Variants in CTNNA3 observed in about 807,000 individuals in gnomAD.
CTNNA3 encodes catenin alpha-3.
A neutral mutation model predicts 95.7 loss-of-function variants in CTNNA3; 76 were observed. The ratio of observed to expected loss-of-function variants is 0.79; its 90% CI spans 0.66 to 0.96. The LOEUF (loss-of-function observed/expected upper bound fraction) is 0.96, where lower values mean the gene tolerates loss of function less well. CTNNA3 is among the 40% of genes least tolerant of loss of function. CTNNA3 has a pLI of 0.00. For missense variants in CTNNA3, 1,191 were observed against 1,089.8 expected, an observed-to-expected ratio of 1.09 and a Z score of -1.31; for synonymous variants, 431 against 374.4, an observed-to-expected ratio of 1.15 and a Z score of -1.74.
chr10:67,544,054 C>A (rs1023764362), intron 3 of CTNNA3, among the ~76,000 whole-genome samples: 1 of 152,152 alleles, frequency 6.6e-6, no homozygotes, highest in Admixed American at 6.6e-5. Context: ...GGAAGGGCAG[C>A]AAAGCTAGCC....
chr10:66,158,426 T>C (rs1445027673), intron 13 of CTNNA3, among the ~76,000 whole-genome samples: 1 of 152,082 alleles, frequency 6.6e-6, no homozygotes, highest in Non-Finnish European at 1.5e-5. Context: ...CCCCACTTTA[T>C]GTTTTTGTTT....
intron 7 of CTNNA3, among the ~76,000 whole-genome samples, chr10:66,880,776 C>T (rs1011643683): frequency 6.6e-6 from 1 of 152,004 alleles, no homozygotes; most frequent in Non-Finnish European, 1.5e-5. Flanking sequence ...TTCTTTTGCT[C>T]ATAGCAAATG....
chr10:65,955,178 G>A (rs2077702917), intron 17 of CTNNA3, among the ~76,000 whole-genome samples: 1 of 152,016 alleles, frequency 6.6e-6, no homozygotes, highest in African/African-American at 2.4e-5. Flanking sequence ...TCATGATTTG[G>A]CTCTCTGTTT....
intron 17 of CTNNA3, among the ~76,000 whole-genome samples, chr10:65,921,126 A>G (rs1275635202): frequency 6.6e-6 from 1 of 152,218 alleles, no homozygotes; most frequent in Non-Finnish European, 1.5e-5. Context: ...TCAGTTTAAC[A>G]ACGGTACAAA....
chr10:66,341,784 C>A (rs914545650), intron 12 of CTNNA3, among the ~76,000 whole-genome samples: 5 of 151,740 alleles, frequency 3.3e-5, no homozygotes, highest in Non-Finnish European at 5.9e-5. Flanking sequence ...TTGGAGATGG[C>A]CGCTGAGTCT....
chr10:66,298,934 G>A (rs1369863017), intron 12 of CTNNA3, among the ~76,000 whole-genome samples: 1 of 152,028 alleles, frequency 6.6e-6, no homozygotes, highest in Non-Finnish European at 1.5e-5. Context: ...AACTGCTTAG[G>A]GCCAACCTGC....
intron 15 of CTNNA3, among the ~76,000 whole-genome samples, chr10:66,050,328 C>A (rs1192568710): frequency 7.7e-6 from 1 of 129,128 alleles, no homozygotes; most frequent in Non-Finnish European, 1.7e-5. Context: ...TCCTTTAATT[C>A]ACATTTCAGT....
intron 13 of CTNNA3, among the ~76,000 whole-genome samples, chr10:66,256,083 A>T (rs1204017010): frequency 6.6e-6 from 1 of 152,210 alleles, no homozygotes; most frequent in African/African-American, 2.4e-5. Context: ...GCCCAGACAG[A>T]GGCAGGGGCA....
At chr10:66,815,880 A>G (rs7085996) in intron 7 of CTNNA3, among the ~76,000 whole-genome samples, 1 of 152,142 alleles carries the variant, frequency 6.6e-6, no homozygotes, top group Non-Finnish European at 1.5e-5. Flanking sequence ...AAAGGACATA[A>G]GACAGTAACT....
At chr10:66,724,933 G>C (rs1848735424) in intron 9 of CTNNA3, among the ~76,000 whole-genome samples, 1 of 152,048 alleles carries the variant, frequency 6.6e-6, no homozygotes, top group Non-Finnish European at 1.5e-5. Context: ...TTCAAAGTGG[G>C]GACTGGTTCC....
chr10:66,384,890 C>A (rs2092876321), intron 11 of CTNNA3, among the ~76,000 whole-genome samples: 1 of 152,058 alleles, frequency 6.6e-6, no homozygotes, highest in Admixed American at 6.5e-5. Flanking sequence ...TATTTGAAAC[C>A]AATGAGAACA....
intron 17 of CTNNA3, among the ~76,000 whole-genome samples, chr10:65,959,088 A>G (rs1426115353): frequency 2.0e-5 from 3 of 152,146 alleles, no homozygotes; most frequent in African/African-American, 7.2e-5. Flanking sequence ...AAGCCTCAGC[A>G]ATGGCAGACG....
rs141753713 is a variant in CTNNA3 at position 67,272,469 on chromosome 10, C to T, written c.580-52599G>A. On this transcript the variant is annotated intron_variant, in intron 5 of 17. Coordinates refer to ENST00000433211, the MANE Select transcript of CTNNA3 (RefSeq NM_013266.4). ...TTGGGAGGCTGAGATGGGAGGATCG[C>T]TTGAACCCAATAGTTGGAGGCTGTA... Among the ~76,000 whole-genome samples the T allele has an allele frequency of 1.3e-4, 20 of 152,190 alleles. 1 individual carries two copies. In the East Asian group the frequency reaches 3.9e-3, roughly 29 times the overall value.
At chr10:67,517,836 T>A (rs772787979) in intron 5 of CTNNA3, among the ~76,000 whole-genome samples, 4 of 152,054 alleles carry the variant, frequency 2.6e-5, no homozygotes, top group Admixed American at 6.6e-5. Flanking sequence ...AAACATTCTA[T>A]CCCATATGTT....
chr10:66,720,661 C>CA (rs947771939), intron 9 of CTNNA3, among the ~76,000 whole-genome samples: 4 of 151,978 alleles, frequency 2.6e-5, no homozygotes, highest in Admixed American at 6.6e-5. Context: ...GGTGAACCCC[C>CA]ATCTCTACTA....
chr10:66,964,406 T>TAAACTG (rs1216323585), intron 7 of CTNNA3, among the ~76,000 whole-genome samples: 1 of 152,174 alleles, frequency 6.6e-6, no homozygotes, highest in Non-Finnish European at 1.5e-5. Flanking sequence ...CATACATTTT[T>TAAACTG]AAACTGGCAC....
intron 3 of CTNNA3, among the ~76,000 whole-genome samples, chr10:67,599,428 C>A (rs1294784714): frequency 6.6e-6 from 1 of 151,948 alleles, no homozygotes; most frequent in Non-Finnish European, 1.5e-5. Flanking sequence ...AGAAACAAAA[C>A]CCAGTTGTAG....
intron 5 of CTNNA3, among the ~76,000 whole-genome samples, chr10:67,288,796 C>T (rs1839707606): frequency 6.6e-6 from 1 of 152,168 alleles, no homozygotes; most frequent in African/African-American, 2.4e-5. Flanking sequence ...GTCTGTCACC[C>T]ATAAAGCTTC....
chr10:67,347,832 G>GAAAAA (rs71006142), intron 5 of CTNNA3, among the ~76,000 whole-genome samples: 10 of 133,896 alleles, frequency 7.5e-5, no homozygotes, highest in South Asian at 2.3e-4. Flanking sequence ...GTGTTTTCCT[G>GAAAAA]AAAAAAAAAA....
Sources: allele counts gnomAD v4.1 joint callset (sites outside exome capture counted in the v4.1 genomes callset), GRCh38; gene constraint gnomAD v4.1.1; transcripts MANE v1.5; gene names NCBI Gene and HGNC (gene_info 2026-07-23, HGNC 2026-07-21).